The following NLGN4Y variants were observed in gnomAD, a reference collection of about 807,000 sequenced individuals.
NLGN4Y encodes the protein neuroligin-4, Y-linked.
Under a neutral mutation model 8.4 loss-of-function variants are expected in NLGN4Y, and 4 were observed. The observed-to-expected ratio is 0.48, with a 90% confidence interval of 0.23 to 1.09. The LOEUF is 1.09. Ranked by LOEUF, NLGN4Y falls within the 50% of genes least tolerant of loss-of-function variation. The pLI is 0.19. For missense variants in NLGN4Y, 90 were observed against 192.3 expected, an observed-to-expected ratio of 0.47 and a Z score of 3.15; for synonymous variants, 35 against 75.6, an observed-to-expected ratio of 0.46 and a Z score of 2.78.
intron 2 of NLGN4Y, among the ~76,000 whole-genome samples, chrY:14,625,897 G>T: frequency 3.0e-5 from 1 of 33,805 alleles, no homozygotes; most frequent in Admixed American, 2.7e-4. Flanking sequence ...GCTCACACAA[G>T]ATATTGTATT....
At chrY:14,749,228 G>A (rs528076051) in intron 4 of NLGN4Y, among the ~76,000 whole-genome samples, 758 of 33,233 alleles carry the variant, frequency 0.023, no homozygotes, top group Middle Eastern at 0.21. Flanking sequence ...ACGTGTATTG[G>A]TATTACTGTA....
chrY:14,819,917 A>G (rs2043116740), intron 4 of NLGN4Y, among the ~76,000 whole-genome samples: 1 of 33,322 alleles, frequency 3.0e-5, no homozygotes, highest in South Asian at 6.9e-4. Context: ...CTTCTATTTC[A>G]GTGTTTGCAG....
intron 4 of NLGN4Y, among the ~76,000 whole-genome samples, chrY:14,778,072 T>TAAAG (rs2081133558): frequency 1.3e-4 from 4 of 30,714 alleles, no homozygotes; most frequent in African/African-American, 5.0e-4. Flanking sequence ...AATAAATAAA[T>TAAAG]AAATAACTAT....
intron 1 of NLGN4Y, among the ~76,000 whole-genome samples, chrY:14,526,436 C>CTGTG (rs374815983): frequency 5.1e-4 from 15 of 29,580 alleles, no homozygotes; most frequent in Admixed American, 1.2e-3. Flanking sequence ...GTATGTGTGT[C>CTGTG]TGTGTGTGTG....
chrY:14,753,909 A>G, intron 4 of NLGN4Y, among the ~76,000 whole-genome samples: 1 of 33,072 alleles, frequency 3.0e-5, no homozygotes, highest in African/African-American at 1.2e-4. Flanking sequence ...CCGTCTCCGC[A>G]TAGTTTTCCT....
At chrY:14,702,554 G>T (rs2080855994) in intron 2 of NLGN4Y, among the ~76,000 whole-genome samples, 4 of 32,980 alleles carry the variant, frequency 1.2e-4, no homozygotes, top group African/African-American at 2.4e-4. Context: ...CTTAATCCAG[G>T]CTATCATTGT....
intron 4 of NLGN4Y, among the ~76,000 whole-genome samples, chrY:14,730,861 G>A: frequency 6.1e-5 from 2 of 32,800 alleles, no homozygotes; most frequent in Non-Finnish European, 1.5e-4. Context: ...GGACACTTAA[G>A]TTGATTTCAT....
At chrY:14,580,082 C>T in intron 1 of NLGN4Y, among the ~76,000 whole-genome samples, 1 of 27,336 alleles carries the variant, frequency 3.7e-5, no homozygotes, top group Non-Finnish European at 8.4e-5. Context: ...GTCCCTGCTA[C>T]TCAGGAGGCT....
intron 4 of NLGN4Y, among the ~76,000 whole-genome samples, chrY:14,768,850 C>T (rs865814450): frequency 8.9e-4 from 30 of 33,641 alleles, no homozygotes; most frequent in African/African-American, 2.7e-3. Flanking sequence ...GCGGTAAACA[C>T]GATGAAATAT....
chrY:14,579,368 G>A, intron 1 of NLGN4Y, among the ~76,000 whole-genome samples: 1 of 33,366 alleles, frequency 3.0e-5, no homozygotes, highest in Admixed American at 2.8e-4. Context: ...AGAAGGCTTA[G>A]TTCAGGAGTG....
intron 1 of NLGN4Y, among the ~76,000 whole-genome samples, chrY:14,573,262 C>T (rs2080281788): frequency 3.0e-5 from 1 of 32,989 alleles, no homozygotes; most frequent in East Asian, 7.8e-4. Flanking sequence ...TAATAATTGC[C>T]GCAATTGCAG....
intron 2 of NLGN4Y, among the ~76,000 whole-genome samples, chrY:14,695,035 C>A: frequency 6.0e-5 from 2 of 33,441 alleles, no homozygotes; most frequent in African/African-American, 2.4e-4. Context: ...TTGGAGGAGG[C>A]ACATGCAGCT....
chrY:14,808,006 A>G, intron 4 of NLGN4Y, among the ~76,000 whole-genome samples: 1 of 33,549 alleles, frequency 3.0e-5, no homozygotes, highest in Non-Finnish European at 7.4e-5. Flanking sequence ...TCTGATCTTC[A>G]TGGAAGCAGG....
chrY:14,560,118 C>T (rs910291294), intron 1 of NLGN4Y, among the ~76,000 whole-genome samples: 5 of 32,812 alleles, frequency 1.5e-4, no homozygotes, highest in Non-Finnish European at 2.3e-4. Flanking sequence ...GTGTGTTCTT[C>T]AACTCCTTGG....
chrY:14,718,336 C>CA (rs2080923238), intron 2 of NLGN4Y, among the ~76,000 whole-genome samples: 1 of 33,843 alleles, frequency 3.0e-5, no homozygotes, highest in Non-Finnish European at 7.4e-5. Context: ...TTGGACATAA[C>CA]AGTATTTCCC....
intron 2 of NLGN4Y, among the ~76,000 whole-genome samples, chrY:14,635,160 A>G (rs2080561323): frequency 3.0e-5 from 1 of 33,678 alleles, no homozygotes; most frequent in Admixed American, 2.7e-4. Flanking sequence ...CCTATCACAT[A>G]TGGACTTTAG....
intron 2 of NLGN4Y, among the ~76,000 whole-genome samples, chrY:14,681,185 G>A: frequency 3.0e-5 from 1 of 33,319 alleles, no homozygotes; most frequent in Admixed American, 2.8e-4. Flanking sequence ...CCTAAGACTG[G>A]GTAATTTACA....
At chrY:14,759,335 C>T in intron 4 of NLGN4Y, among the ~76,000 whole-genome samples, 1 of 32,306 alleles carries the variant, frequency 3.1e-5, no homozygotes, top group African/African-American at 1.2e-4. Flanking sequence ...GAGTCTAGCT[C>T]TGTCGCCCAG....
chrY:14,678,836 T>G, intron 2 of NLGN4Y, among the ~76,000 whole-genome samples: 1 of 33,480 alleles, frequency 3.0e-5, no homozygotes. Context: ...AGAGATTGAC[T>G]TTTTTCATTT....
Sources: gnomAD v4.1 joint callset for allele counts (sites outside exome capture counted in the v4.1 genomes callset) on GRCh38, gnomAD v4.1.1 for gene constraint, MANE v1.5 for transcripts, NCBI Gene and HGNC (gene_info 2026-07-23, HGNC 2026-07-21) for gene names.